OXCT1: variants seen among roughly 807,000 people sequenced by gnomAD.
The protein encoded by OXCT1 is succinyl-CoA:3-ketoacid coenzyme A transferase 1, mitochondrial.
A neutral mutation model predicts 69.6 loss-of-function variants in OXCT1; 27 were observed. The observed-to-expected ratio is 0.39, with a 90% confidence interval of 0.29 to 0.54. The LOEUF (loss-of-function observed/expected upper bound fraction) is 0.54. OXCT1 is among the 20% of genes least tolerant of loss of function. The pLI is 0.72. For missense variants in OXCT1, 437 were observed against 650.2 expected (o/e 0.67, Z 3.57); for synonymous variants, 202 against 217.8 (o/e 0.93, Z 0.64).
In OXCT1 at chr5:41,823,297, G is replaced by A. The variant is rs116915097; in HGVS notation, c.733-15859C>T. Among the ~76,000 whole-genome samples the A allele has an allele frequency of 1.7e-4, 26 of 152,280 alleles. 1 individual carries two copies. The East Asian group carries it at 5.0e-3, about 29-fold the overall frequency. ...CCACTTTTCCCCCCTCCCCTTGCCA[G>A]AAGCACAAGGAAATTTTCCTTTGGT... On this transcript the variant is annotated intron_variant, in intron 7 of 16. Transcript: ENST00000196371.
chr5:41,810,803 A>T (rs866222119), intron 7 of OXCT1, among the ~76,000 whole-genome samples: 120 of 152,138 alleles, frequency 7.9e-4, no homozygotes, highest in African/African-American at 2.7e-3. Context: ...ATTTTATTTT[A>T]GTGACAACCT....
At chr5:41,815,957 C>T (rs916613224) in intron 7 of OXCT1, among the ~76,000 whole-genome samples, 3 of 152,090 alleles carry the variant, frequency 2.0e-5, no homozygotes, top group African/African-American at 7.2e-5. Flanking sequence ...GTTAATCATC[C>T]CTGAAGCACT....
intron 3 of OXCT1, among the ~76,000 whole-genome samples, chr5:41,859,078 C>A (rs1226238441): frequency 6.6e-6 from 1 of 152,154 alleles, no homozygotes; most frequent in East Asian, 1.9e-4. Flanking sequence ...CCATCCTGCC[C>A]GGGGTGTGAA....
chr5:41,853,854 C>T (rs1367426070), intron 3 of OXCT1, among the ~76,000 whole-genome samples: 1 of 152,068 alleles, frequency 6.6e-6, no homozygotes, highest in Non-Finnish European at 1.5e-5. Flanking sequence ...CCATGTCAAC[C>T]CTACAGTTTT....
intron 7 of OXCT1, among the ~76,000 whole-genome samples, chr5:41,813,939 A>C (rs1747107271): frequency 6.6e-6 from 1 of 152,086 alleles, no homozygotes; most frequent in Non-Finnish European, 1.5e-5. Flanking sequence ...TGTACTATTA[A>C]CTATATAAAT....
At chr5:41,832,860 C>T (rs1748165751) in intron 7 of OXCT1, among the ~76,000 whole-genome samples, 1 of 152,140 alleles carries the variant, frequency 6.6e-6, no homozygotes, top group Non-Finnish European at 1.5e-5. Context: ...AAAAATGCAA[C>T]TGACATACTG....
chr5:41,836,831 T>C (rs1748386691), intron 7 of OXCT1, among the ~76,000 whole-genome samples: 1 of 152,170 alleles, frequency 6.6e-6, no homozygotes, highest in Admixed American at 6.6e-5. Context: ...TACAGGTCCA[T>C]GGCCTGAGGG....
At chr5:41,755,341 G>GT (rs1744008653) in intron 14 of OXCT1, among the ~76,000 whole-genome samples, 1 of 152,008 alleles carries the variant, frequency 6.6e-6, no homozygotes, top group African/African-American at 2.4e-5. Context: ...GCAAAACCAT[G>GT]TAAGGATTTA....
chr5:41,818,267 A>T (rs1239830575), intron 7 of OXCT1, among the ~76,000 whole-genome samples: 3 of 152,204 alleles, frequency 2.0e-5, no homozygotes, highest in Non-Finnish European at 4.4e-5. Flanking sequence ...CAGGCAGAAA[A>T]TTAGCCACAA....
intron 13 of OXCT1, among the ~76,000 whole-genome samples, chr5:41,785,334 G>A (rs1438159677): frequency 6.6e-6 from 1 of 152,138 alleles, no homozygotes; most frequent in Non-Finnish European, 1.5e-5. Context: ...AGGCTAGGGG[G>A]AACTGCCTAG....
At chr5:41,747,257 T>C (rs900228420) in intron 15 of OXCT1, among the ~76,000 whole-genome samples, 1 of 152,080 alleles carries the variant, frequency 6.6e-6, no homozygotes, top group African/African-American at 2.4e-5. Context: ...CAGTTCCACT[T>C]GCAGGTTATA....
intron 15 of OXCT1, 146 bp from the exon 16 acceptor site, chr5:41,739,637 G>A: frequency 1.2e-5 from 8 of 642,950 alleles, no homozygotes; most frequent in South Asian, 1.2e-4. Context: ...AGGCTTAGGT[G>A]GGTGGATCAC....
At chr5:41,772,981 C>G (rs1394842524) in intron 13 of OXCT1, among the ~76,000 whole-genome samples, 2 of 152,090 alleles carry the variant, frequency 1.3e-5, no homozygotes, top group Admixed American at 1.3e-4. Flanking sequence ...CTGGAGGCAA[C>G]AGAGAATGCT....
chr5:41,842,663 C>T lies in OXCT1; in HGVS notation c.671+12G>A, dbSNP rs1240477370. The T allele has an allele frequency of 4.4e-6, 7 of 1,584,806 alleles. No individual in the cohort carries two copies. Among genetic ancestry groups the T allele is most frequent in the Non-Finnish European group, 6.1e-6 (7 of 1,153,444 alleles). On this transcript the variant is annotated intron_variant, in intron 6 of 16. Transcript: ENST00000196371. The stretch of plus-strand genomic sequence containing the variant: ...CTGATATGCACGAGTGTTTTTAAAA[C>T]TATCACAATACCTGAAAATCACGTT...
At position 41,807,266 on chromosome 5, in the gene OXCT1, C is replaced by A. The variant is rs1391111042; in HGVS notation, c.840+65G>T. On this transcript the variant is annotated intron_variant, in intron 8 of 16. Transcript: ENST00000196371. The stretch of plus-strand genomic sequence containing the variant: ...TCTAGTTCCCCATCATCTCGAATGG[C>A]CCCAGGGATGCACTATCTCTGTAAC... The A allele has an allele frequency of 2.5e-5, 22 of 882,200 alleles. No individual in the cohort carries two copies. The East Asian group carries it at 5.1e-4, about 20-fold the overall frequency. The allele number at this position is 882,200 out of a possible 1,614,324, so 54.6% of individuals were successfully genotyped here. A position where few individuals can be genotyped will look rare whatever the true frequency, so the allele number is the denominator to read the frequency against.
At chr5:41,737,610 C>T (rs1374513894) in intron 16 of OXCT1, among the ~76,000 whole-genome samples, 1 of 152,108 alleles carries the variant, frequency 6.6e-6, no homozygotes, top group Non-Finnish European at 1.5e-5. Context: ...TATTGAAAGG[C>T]TAATTAAAGA....
At chr5:41,808,342 T>C (rs2112282865) in intron 7 of OXCT1, among the ~76,000 whole-genome samples, 1 of 152,156 alleles carries the variant, frequency 6.6e-6, no homozygotes, top group Admixed American at 6.5e-5. Flanking sequence ...AACTGACTTA[T>C]ACAAGGATAG....
intron 10 of OXCT1, among the ~76,000 whole-genome samples, chr5:41,801,702 T>G (rs1328305653): frequency 6.6e-6 from 1 of 152,048 alleles, no homozygotes; most frequent in African/African-American, 2.4e-5. Context: ...TGAATTTGGG[T>G]TTCTAATCTT....
At chr5:41,848,625 C>G (rs1189389120) in intron 5 of OXCT1, among the ~76,000 whole-genome samples, 1 of 149,258 alleles carries the variant, frequency 6.7e-6, no homozygotes, top group African/African-American at 2.5e-5. Flanking sequence ...TCAGAAATAA[C>G]ACCGCATATC....
Sources: allele counts gnomAD v4.1 joint callset (sites outside exome capture counted in the v4.1 genomes callset), GRCh38; gene constraint gnomAD v4.1.1; transcripts MANE v1.5; gene names NCBI Gene and HGNC (gene_info 2026-07-23, HGNC 2026-07-21).